SKAP1: variants seen among roughly 807,000 people sequenced by gnomAD.
The protein encoded by SKAP1 is src kinase-associated phosphoprotein 1.
Under a neutral mutation model 58.5 loss-of-function variants are expected in SKAP1, and 44 were observed. That is an observed-to-expected ratio of 0.75 (90% CI 0.59 to 0.97). The LOEUF (loss-of-function observed/expected upper bound fraction) is 0.97, where lower values mean the gene tolerates loss of function less well. Among genes scored for constraint, SKAP1 ranks in the 50% least tolerant of loss-of-function variants. The pLI is 0.00. For synonymous variants in SKAP1, 127 were observed against 149.7 expected, an observed-to-expected ratio of 0.85 and a Z score of 1.11; for missense variants, 390 against 435.2, an observed-to-expected ratio of 0.90 and a Z score of 0.92.
At chr17:48,342,927 G>A (rs1440017826) in intron 4 of SKAP1, among the ~76,000 whole-genome samples, 1 of 151,950 alleles carries the variant, frequency 6.6e-6, no homozygotes, top group Non-Finnish European at 1.5e-5. Flanking sequence ...AGAGTTTGCA[G>A]TGAGCCGAGA....
intron 4 of SKAP1, chr17:48,307,760 G>A (rs1457439259): frequency 2.6e-5 from 4 of 151,814 alleles, no homozygotes; most frequent in Non-Finnish European, 4.4e-5. Context: ...TTTTTGTGTG[G>A]GGGTCTTAAT....
At chr17:48,165,003 C>T (rs2064116874) in intron 10 of SKAP1, among the ~76,000 whole-genome samples, 1 of 152,230 alleles carries the variant, frequency 6.6e-6, no homozygotes, top group Non-Finnish European at 1.5e-5. Flanking sequence ...GTGTTAGATA[C>T]TGGGAATCCC....
intron 2 of SKAP1, among the ~76,000 whole-genome samples, chr17:48,385,996 C>G (rs1028794554): frequency 1.3e-5 from 2 of 152,114 alleles, no homozygotes; most frequent in Admixed American, 6.5e-5. Context: ...AACTCCAATA[C>G]ATGGTCAGTA....
intron 4 of SKAP1, among the ~76,000 whole-genome samples, chr17:48,338,062 T>C (rs1373233882): frequency 6.6e-6 from 1 of 151,906 alleles, no homozygotes; most frequent in African/African-American, 2.4e-5. Context: ...CTTCACTTAG[T>C]TCCTTCTTTC....
chr17:48,414,478 T>C (rs1216070154), intron 1 of SKAP1, among the ~76,000 whole-genome samples: 1 of 152,250 alleles, frequency 6.6e-6, no homozygotes, highest in African/African-American at 2.4e-5. Context: ...AAGATTAATA[T>C]GGAGGGCAAG....
At chr17:48,340,979 T>C (rs1171820762) in intron 4 of SKAP1, among the ~76,000 whole-genome samples, 5 of 152,182 alleles carry the variant, frequency 3.3e-5, no homozygotes, top group Admixed American at 2.0e-4. Context: ...CAAAAAGCAA[T>C]GGCTTTGAAA....
chr17:48,420,516 A>T (rs1431335686), intron 1 of SKAP1, among the ~76,000 whole-genome samples: 1 of 152,204 alleles, frequency 6.6e-6, no homozygotes, highest in Non-Finnish European at 1.5e-5. Context: ...AGAAAGTGAC[A>T]ATGAGAAGGC....
At chr17:48,252,920 G>C (rs1024599404) in intron 4 of SKAP1, among the ~76,000 whole-genome samples, 1 of 152,056 alleles carries the variant, frequency 6.6e-6, no homozygotes, top group Non-Finnish European at 1.5e-5. Context: ...AACTTCTCTC[G>C]GGTTTAATGG....
intron 3 of SKAP1, among the ~76,000 whole-genome samples, chr17:48,355,349 C>T (rs983103404): frequency 6.6e-6 from 1 of 152,186 alleles, no homozygotes; most frequent in Admixed American, 6.5e-5. Flanking sequence ...GCAATTGCAG[C>T]TCCCTGCAGC....
At chr17:48,384,256 G>A (rs2067250483) in intron 2 of SKAP1, among the ~76,000 whole-genome samples, 1 of 152,140 alleles carries the variant, frequency 6.6e-6, no homozygotes, top group Admixed American at 6.5e-5. Flanking sequence ...TGAAGGGGGA[G>A]CAATCAGGAA....
intron 1 of SKAP1, among the ~76,000 whole-genome samples, chr17:48,425,235 G>A (rs927397651): frequency 6.6e-6 from 1 of 152,134 alleles, no homozygotes; most frequent in Non-Finnish European, 1.5e-5. Flanking sequence ...TCCAGCCTGG[G>A]CAACAGAGTG....
At chr17:48,387,107 T>C (rs1002220200) in intron 2 of SKAP1, among the ~76,000 whole-genome samples, 2 of 152,180 alleles carry the variant, frequency 1.3e-5, no homozygotes, top group African/African-American at 4.8e-5. Flanking sequence ...AAATGATTGG[T>C]TTTTCCCAAA....
At chr17:48,237,861 T>A (rs1374808855) in intron 4 of SKAP1, among the ~76,000 whole-genome samples, 1 of 152,108 alleles carries the variant, frequency 6.6e-6, no homozygotes, top group Non-Finnish European at 1.5e-5. Flanking sequence ...TTCCTAAGAT[T>A]TTGTATACAT....
intron 4 of SKAP1, among the ~76,000 whole-genome samples, chr17:48,256,693 G>A (rs1019368428): frequency 1.3e-5 from 2 of 152,114 alleles, no homozygotes; most frequent in Non-Finnish European, 1.5e-5. Context: ...TCTTGTAAAG[G>A]ACATTGCCTA....
chr17:48,351,593 A>G (rs1007065981), intron 3 of SKAP1, among the ~76,000 whole-genome samples: 2 of 152,214 alleles, frequency 1.3e-5, no homozygotes, highest in Non-Finnish European at 2.9e-5. Context: ...ATTCTTTTAA[A>G]AAGTTGCTCC....
chr17:48,195,892 T>C (rs1295580059), intron 4 of SKAP1, among the ~76,000 whole-genome samples: 1 of 152,152 alleles, frequency 6.6e-6, no homozygotes, highest in African/African-American at 2.4e-5. Context: ...GAGAAAATCC[T>C]GTTATACTGA....
intron 1 of SKAP1, among the ~76,000 whole-genome samples, chr17:48,399,049 A>C (rs1261418952): frequency 2.0e-5 from 3 of 151,704 alleles, no homozygotes; most frequent in East Asian, 1.9e-4. Context: ...AACAAAAAAA[A>C]CCACCAAACA....
At chr17:48,151,105 A>C (rs993872108) in intron 11 of SKAP1, among the ~76,000 whole-genome samples, 8 of 146,912 alleles carry the variant, frequency 5.4e-5, no homozygotes, top group Non-Finnish European at 1.2e-4. Flanking sequence ...AAAAAAAAAG[A>C]GCCTTTCTAA....
chr17:48,292,114 T>A (rs182502437), intron 4 of SKAP1, among the ~76,000 whole-genome samples: 86 of 124,818 alleles, frequency 6.9e-4, no homozygotes, highest in Non-Finnish European at 1.3e-3. Flanking sequence ...CTAATGAAAA[T>A]CATTAGTTTA....
Sources: allele counts gnomAD v4.1 joint callset (sites outside exome capture counted in the v4.1 genomes callset), GRCh38; gene constraint gnomAD v4.1.1; transcripts MANE v1.5; gene names NCBI Gene and HGNC (gene_info 2026-07-23, HGNC 2026-07-21).